The following TMEM150C variants were observed in gnomAD, a reference collection of about 807,000 sequenced individuals.
The protein encoded by TMEM150C is tentonin 3.
In TMEM150C, 10 loss-of-function variants were observed where a neutral mutation model predicts 29.9. That is an observed-to-expected ratio of 0.33 (90% CI 0.21 to 0.57). TMEM150C has a LOEUF of 0.57. Among genes scored for constraint, TMEM150C ranks in the 20% least tolerant of loss-of-function variants. The probability of loss-of-function intolerance (pLI) is 0.88; values close to 1 mark genes in which losing one functional copy is unlikely to be tolerated. For missense variants in TMEM150C, 251 were observed against 303.6 expected, an observed-to-expected ratio of 0.83 and a Z score of 1.29; for synonymous variants, 101 against 112.5, an observed-to-expected ratio of 0.90 and a Z score of 0.64.
At chr4:82,560,002 T>C (rs56907829) in intron 1 of TMEM150C, among the ~76,000 whole-genome samples, 45,529 of 152,014 alleles carry the variant, frequency 0.3, 7,614 homozygotes, top group African/African-American at 0.45. Context: ...AAGGGCCTTC[T>C]CTCTTGACAA....
intron 1 of TMEM150C, among the ~76,000 whole-genome samples, chr4:82,552,657 G>T (rs1233160381): frequency 6.6e-6 from 1 of 152,188 alleles, no homozygotes; most frequent in African/African-American, 2.4e-5. Flanking sequence ...AAAGTTTGGT[G>T]TCTGAGCTCC....
At chr4:82,547,053 T>A (rs1725407941) in intron 1 of TMEM150C, among the ~76,000 whole-genome samples, 1 of 152,090 alleles carries the variant, frequency 6.6e-6, no homozygotes, top group Non-Finnish European at 1.5e-5. Context: ...AAGTGGGACC[T>A]AATTAAGCTA....
At chr4:82,489,280 T>A (rs935071322) in intron 7 of TMEM150C, among the ~76,000 whole-genome samples, 1 of 152,018 alleles carries the variant, frequency 6.6e-6, no homozygotes, top group Non-Finnish European at 1.5e-5. Context: ...GCCACTGCAC[T>A]CCATCCTAAG....
intron 3 of TMEM150C, 37 bp downstream of exon 3, chr4:82,503,022 C>G (rs1052436459): frequency 1.9e-6 from 3 of 1,608,974 alleles, no homozygotes; most frequent in African/African-American, 2.7e-5. Flanking sequence ...TGCTAAATCT[C>G]TTGATGAACA....
chr4:82,516,793 T>A (rs996739428), intron 1 of TMEM150C, among the ~76,000 whole-genome samples: 1 of 152,168 alleles, frequency 6.6e-6, no homozygotes, highest in East Asian at 1.9e-4. Flanking sequence ...AAGGAACAAA[T>A]CCTTCAAATA....
intron 7 of TMEM150C, among the ~76,000 whole-genome samples, chr4:82,488,418 T>C (rs1723229480): frequency 6.6e-6 from 1 of 152,178 alleles, no homozygotes; most frequent in Non-Finnish European, 1.5e-5. Flanking sequence ...ACATGTGAAG[T>C]GAGGATAAAA....
At chr4:82,527,260 T>G (rs964119791) in intron 1 of TMEM150C, among the ~76,000 whole-genome samples, 2 of 152,094 alleles carry the variant, frequency 1.3e-5, no homozygotes, top group Non-Finnish European at 2.9e-5. Context: ...GCAGCAGCCA[T>G]TTACAAAAAT....
intron 1 of TMEM150C, among the ~76,000 whole-genome samples, chr4:82,557,572 C>T (rs886935512): frequency 6.6e-6 from 1 of 151,986 alleles, no homozygotes; most frequent in Admixed American, 6.6e-5. Flanking sequence ...TCATGAACAC[C>T]GACACGAGGG....
rs1276367578 is a variant in TMEM150C, at chr4:82,507,723, CTCTCTTTTTTTTTTTTTTTTTT to C, written c.-10-3078_-10-3057del. ...TATATTAAATTAACTCTCTCTCTCT[CTCTCTTTTTTTTTTTTTTTTTT>C]TTTTTTTTTTTTTTTTTTTTTGAGA... On this transcript the variant is annotated intron_variant, in intron 1 of 7. Coordinates refer to ENST00000449862, the MANE Select transcript of TMEM150C (RefSeq NM_001080506.3). Among the ~76,000 whole-genome samples, 11 of 86,054 alleles carry C rather than the reference CTCTCTTTTTTTTTTTTTTTTTT, an allele frequency of 1.3e-4. 1 individual carries two copies. The highest frequency in any genetic ancestry group is 2.2e-4 in the African/African-American group (5 of 22,402). 56.5% of individuals were successfully genotyped at this position (86,054 alleles called of 152,430 possible). A position where few individuals can be genotyped will look rare whatever the true frequency, so the allele number is the denominator to read the frequency against.
At chr4:82,557,885 T>A (rs186955862) in intron 1 of TMEM150C, among the ~76,000 whole-genome samples, 1 of 152,090 alleles carries the variant, frequency 6.6e-6, no homozygotes, top group East Asian at 1.9e-4. Flanking sequence ...CCTGCCACCA[T>A]GCGCAGCTAA....
At chr4:82,545,413 T>A (rs1031156396) in intron 1 of TMEM150C, among the ~76,000 whole-genome samples, 1 of 152,204 alleles carries the variant, frequency 6.6e-6, no homozygotes, top group Non-Finnish European at 1.5e-5. Flanking sequence ...AAGAGCCATC[T>A]AGGACAAACC....
In TMEM150C at chr4:82,491,684, T is replaced by C. The variant is rs187241688; in HGVS notation, c.364-1446A>G. On this transcript the variant is annotated intron_variant, in intron 6 of 7. Transcript: ENST00000449862. ...TAATTTTTTATTTTTTTTATTTTTA[T>C]AGAGATGGTGTCTCCCTATGTTGCC... The C allele has an allele frequency of 7.7e-4, 366 of 475,066 alleles. 1 individual carries two copies. The highest frequency in any genetic ancestry group is 6.8e-3 in the African/African-American group (341 of 50,182). The allele number at this position is 475,066 out of a possible 1,614,324, so 29.4% of individuals were successfully genotyped here.
At position 82,504,635 on chromosome 4, in the gene TMEM150C, A is replaced by G. The variant is rs1723845896; in HGVS notation, c.23T>C (p.Val8Ala). Residue 8 changes from valine (V) to alanine (A), a missense_variant, in exon 2 of 8, where the codon GTA becomes GCA. Coordinates refer to ENST00000449862, the MANE Select transcript of TMEM150C (RefSeq NM_001080506.3). MDGKKCS[V>A]WMFLPLVFTL... ...AAATACAAGAGGTAGGAACATCCAT[A>G]CGCTGCATTTCTTCCCATCCATGCC... 12 of 1,613,792 alleles carry G rather than the reference A, an allele frequency of 7.4e-6. No homozygotes were observed. Among genetic ancestry groups the G allele is most frequent in the Non-Finnish European group, 1.0e-5 (12 of 1,179,766 alleles).
In TMEM150C at chr4:82,561,937, C is replaced by G. The variant is rs1287702100; in HGVS notation, c.-42G>C. The G allele has an allele frequency of 1.9e-6, 2 of 1,050,248 alleles. No individual in the cohort carries two copies. The highest frequency in any genetic ancestry group is 2.3e-6 in the Non-Finnish European group (2 of 868,332). 65.1% of individuals were successfully genotyped at this position (1,050,248 alleles called of 1,614,324 possible). Reference sequence around the variant, plus strand: ...TGGTGCGGCGGGGCCGCTGTCGCCTCGAGGGGCTGTGACCTGCTGCGGTGG... The same window carrying G: ...TGGTGCGGCGGGGCCGCTGTCGCCTGGAGGGGCTGTGACCTGCTGCGGTGG... On this transcript the variant is annotated 5_prime_UTR_variant, in exon 1 of 8. Coordinates refer to ENST00000449862, the MANE Select transcript of TMEM150C (RefSeq NM_001080506.3).
intron 7 of TMEM150C, among the ~76,000 whole-genome samples, chr4:82,489,136 A>G (rs1410998074): frequency 2.1e-5 from 3 of 144,978 alleles, no homozygotes; most frequent in Non-Finnish European, 1.5e-5. Context: ...TCCTGACTTC[A>G]AGTGATCTTC....
intron 6 of TMEM150C, chr4:82,490,821 A>G (rs1723317224): frequency 1.7e-6 from 1 of 584,164 alleles, no homozygotes; most frequent in Non-Finnish European, 3.2e-6. Flanking sequence ...AACAGTGTAT[A>G]TTTAACCCAG....
chr4:82,486,335 TAAAA>T (rs527967958), intron 7 of TMEM150C, among the ~76,000 whole-genome samples: 6 of 51,282 alleles, frequency 1.2e-4, no homozygotes, highest in Admixed American at 5.7e-4. Context: ...GACTCCATCT[TAAAA>T]AAAAAAAAAA....
intron 1 of TMEM150C, among the ~76,000 whole-genome samples, chr4:82,505,780 A>C (rs1723899861): frequency 6.6e-6 from 1 of 152,230 alleles, no homozygotes; most frequent in African/African-American, 2.4e-5. Flanking sequence ...ATATAGAAAT[A>C]AAAAATCCCC....
intron 1 of TMEM150C, among the ~76,000 whole-genome samples, chr4:82,544,278 T>TTA: frequency 6.6e-6 from 1 of 152,200 alleles, no homozygotes; most frequent in East Asian, 1.9e-4. Flanking sequence ...AGGGTGATAA[T>TTA]AGAGGCCTCC....
Sources: gnomAD v4.1 joint callset for allele counts (sites outside exome capture counted in the v4.1 genomes callset) on GRCh38, gnomAD v4.1.1 for gene constraint, MANE v1.5 for transcripts, NCBI Gene and HGNC (gene_info 2026-07-23, HGNC 2026-07-21) for gene names.